Variants in SEM1 observed in about 807,000 individuals in gnomAD.
SEM1 encodes SEM1 26S proteasome subunit, also known as 26S proteasome complex subunit SEM1.
SEM1 carries 3 observed loss-of-function variants against 12.7 expected under a neutral mutation model. That is an observed-to-expected ratio of 0.24 (90% confidence interval 0.11 to 0.61). The LOEUF is 0.61. Ranked by LOEUF, SEM1 falls within the 20% of genes least tolerant of loss-of-function variation. SEM1 has a pLI of 0.88. For synonymous variants in SEM1, 30 were observed against 27.8 expected (o/e 1.08, Z -0.25); for missense variants, 59 against 81.3 (o/e 0.73, Z 1.06).
rs1422527294 is a variant in SEM1, at chr7:96,501,449, A to AC, written c.*60+5173_*60+5174insG. 3.4e-4 allele frequency among the ~76,000 whole-genome samples: 51 copies of AC among 149,648 alleles called. No homozygotes were observed. The East Asian group carries it at 3.6e-3, about 11-fold the overall frequency. ...TATATAGACCTTTCACACACACACA[A>AC]AAAAACCCAATCTTTTTTGATTAAT... On this transcript the variant is annotated intron_variant and NMD_transcript_variant, in intron 3 of 3. Transcript: ENST00000466986.
At chr7:96,545,691 G>C (rs375916030) in intron 2 of SEM1, among the ~76,000 whole-genome samples, 3 of 152,064 alleles carry the variant, frequency 2.0e-5, no homozygotes, top group East Asian at 3.9e-4. Flanking sequence ...GTTATGCATA[G>C]AGCCCTGAAT....
At chr7:96,490,221 G>T (rs935651409) in intron 1 of SEM1, among the ~76,000 whole-genome samples, 1 of 152,086 alleles carries the variant, frequency 6.6e-6, no homozygotes, top group Non-Finnish European at 1.5e-5. Context: ...TTAAAAGCTT[G>T]TTATAAACTA....
intron 2 of SEM1, among the ~76,000 whole-genome samples, chr7:96,507,011 G>T (rs1803774152): frequency 6.6e-6 from 1 of 151,856 alleles, no homozygotes; most frequent in African/African-American, 2.4e-5. Flanking sequence ...ATCAGGGAAT[G>T]GTGCCAAAAG....
chr7:96,687,684 A>C (rs1789802733), downstream of SEM1, among the ~76,000 whole-genome samples: 1 of 152,060 alleles, frequency 6.6e-6, no homozygotes, highest in Non-Finnish European at 1.5e-5. Flanking sequence ...CCTAATGCTA[A>C]ATGACGAGTT....
rs559531076 is a variant in SEM1 at position 96,650,551 on chromosome 7, T to C, written c.171-27908A>G. The stretch of plus-strand genomic sequence containing the variant: ...CATGAAAGGAGAGAAAGATAAGAAA[T>C]TCTGAAGAAACACAGATTTGTAAAT... On this transcript the variant is annotated intron_variant, in intron 2 of 2. Coordinates refer to the SEM1 transcript ENST00000417009. 11 of 738,298 alleles carry C rather than the reference T, an allele frequency of 1.5e-5. No homozygotes were observed. The African/African-American group carries it at 1.9e-4, about 13-fold the overall frequency. 45.7% of individuals were successfully genotyped at this position (738,298 alleles called of 1,614,324 possible). A position where few individuals can be genotyped will look rare whatever the true frequency, so the allele number is the denominator to read the frequency against.
At chr7:96,496,370 G>T, upstream of SEM1, 1 of 1,175,010 alleles carries the variant, frequency 8.5e-7, no homozygotes, top group Non-Finnish European at 1.2e-6. Context: ...TTATTCAAAT[G>T]TAATATAAAA....
intron 2 of SEM1, among the ~76,000 whole-genome samples, chr7:96,638,366 G>T (rs900831202): frequency 1.3e-5 from 2 of 151,912 alleles, no homozygotes; most frequent in African/African-American, 2.4e-5. Context: ...CTCTATGAAT[G>T]TCTATTTGGG....
At chr7:96,532,617 C>G (rs903443445) in intron 2 of SEM1, among the ~76,000 whole-genome samples, 1 of 152,088 alleles carries the variant, frequency 6.6e-6, no homozygotes, top group Non-Finnish European at 1.5e-5. Context: ...AGTTCTTGCA[C>G]CTGCATGAGG....
chr7:96,551,361 G>A (rs527787505), intron 2 of SEM1, among the ~76,000 whole-genome samples: 1 of 152,218 alleles, frequency 6.6e-6, no homozygotes, highest in Non-Finnish European at 1.5e-5. Context: ...AGATAATTCT[G>A]TATTATCCAG....
chr7:96,655,856 A>G (rs1461500084), intron 2 of SEM1, among the ~76,000 whole-genome samples: 1 of 152,196 alleles, frequency 6.6e-6, no homozygotes, highest in Non-Finnish European at 1.5e-5. Flanking sequence ...GAATATTTTG[A>G]TAATTAGTGA....
At chr7:96,638,639 C>T (rs1808501349) in intron 2 of SEM1, among the ~76,000 whole-genome samples, 1 of 151,688 alleles carries the variant, frequency 6.6e-6, no homozygotes, top group African/African-American at 2.4e-5. Context: ...CTCTTTTTCA[C>T]TCAACAATCC....
At chr7:96,593,792 G>A (rs1806910007) in intron 2 of SEM1, among the ~76,000 whole-genome samples, 1 of 151,996 alleles carries the variant, frequency 6.6e-6, no homozygotes, top group South Asian at 2.1e-4. Context: ...ATATGAATAA[G>A]CATTTTTTTT....
chr7:96,666,768 G>A (rs1789183581), intron 2 of SEM1, among the ~76,000 whole-genome samples: 1 of 150,974 alleles, frequency 6.6e-6, no homozygotes, highest in Non-Finnish European at 1.5e-5. Context: ...CTCTTACCAT[G>A]CTTCTCCTGC....
exon 3 of SEM1, chr7:96,506,666 A>G (rs1037976295): frequency 1.3e-5 from 2 of 152,054 alleles, no homozygotes; most frequent in African/African-American, 4.8e-5. Flanking sequence ...CAACAATTCC[A>G]CAAGGTCAAA....
At chr7:96,492,506 C>A (rs1272324063) in intron 1 of SEM1, among the ~76,000 whole-genome samples, 1 of 151,768 alleles carries the variant, frequency 6.6e-6, no homozygotes, top group Non-Finnish European at 1.5e-5. Flanking sequence ...ACCTCCCAGG[C>A]CCAAGTGATC....
At chr7:96,707,835 A>C (rs181792462) in intron 1 of SEM1, among the ~76,000 whole-genome samples, 4 of 152,218 alleles carry the variant, frequency 2.6e-5, no homozygotes, top group African/African-American at 9.6e-5. Flanking sequence ...TCAACTAACT[A>C]CTCATTTTAA....
chr7:96,549,764 T>G (rs1364133955), intron 2 of SEM1, among the ~76,000 whole-genome samples: 1 of 152,050 alleles, frequency 6.6e-6, no homozygotes, highest in Non-Finnish European at 1.5e-5. Flanking sequence ...TATTTAGTTC[T>G]TTTTTTCCCT....
Position 96,703,095 on chromosome 7 carries a change from C to A in SEM1, c.76+6593G>T, listed in dbSNP as rs189135513. On this transcript the variant is annotated intron_variant, in intron 1 of 2. Transcript: ENST00000248566. ...GGTTAGATCATACAGGTTGAGTATCCCTTATTCAAAATGCTTGAGACCAGA... is the reference window on the plus strand; with the variant it reads ...GGTTAGATCATACAGGTTGAGTATCACTTATTCAAAATGCTTGAGACCAGA... Among the ~76,000 whole-genome samples, 206 of 152,180 alleles carry A rather than the reference C, an allele frequency of 1.4e-3. 2 individuals carry two copies. The highest frequency in any genetic ancestry group is 1.6e-3 in the Non-Finnish European group (112 of 68,012).
At position 96,581,479 on chromosome 7, in the gene SEM1, T is replaced by C. The variant is rs201576755; in HGVS notation, c.171-74781A>G. Among the ~76,000 whole-genome samples the C allele has an allele frequency of 5.9e-4, 90 of 152,030 alleles. 1 individual carries two copies. In the East Asian group the frequency reaches 0.017, roughly 28 times the overall value. ...GCTCTTTTTTGGTTCCATATGAACTTTAAAGTAGTTTTTTCCAATTCTGTG... is the reference window on the plus strand; with the variant it reads ...GCTCTTTTTTGGTTCCATATGAACTCTAAAGTAGTTTTTTCCAATTCTGTG... On this transcript the variant is annotated intron_variant and NMD_transcript_variant, in intron 2 of 3. Coordinates refer to the SEM1 transcript ENST00000466986.
Sources: gnomAD v4.1 joint callset for allele counts (sites outside exome capture counted in the v4.1 genomes callset) on GRCh38, gnomAD v4.1.1 for gene constraint, MANE v1.5 for transcripts, NCBI Gene and HGNC (gene_info 2026-07-23, HGNC 2026-07-21) for gene names.